SH3PXD2A: variants seen among roughly 807,000 people sequenced by gnomAD.
SH3PXD2A encodes SH3 and PX domains 2A, also known as SH3 and PX domain-containing protein 2A.
Under a neutral mutation model 115.2 loss-of-function variants are expected in SH3PXD2A, and 32 were observed. The observed-to-expected ratio is 0.28, with a 90% CI of 0.21 to 0.37. SH3PXD2A has a LOEUF of 0.37. Among genes scored for constraint, SH3PXD2A ranks in the 10% least tolerant of loss-of-function variants. The pLI is 1.00. For synonymous variants in SH3PXD2A, 610 were observed against 629.1 expected, an observed-to-expected ratio of 0.97 and a Z score of 0.45; for missense variants, 1,328 against 1,498.7, an observed-to-expected ratio of 0.89 and a Z score of 1.88.
At chr10:103,754,276 A>G (rs1412447621) in intron 3 of SH3PXD2A, 2 of 152,180 alleles carry the variant, frequency 1.3e-5, no homozygotes, top group Non-Finnish European at 2.9e-5. Flanking sequence ...GCATGATCAT[A>G]GCTCGCTGTA....
intron 2 of SH3PXD2A, among the ~76,000 whole-genome samples, chr10:103,791,876 A>G (rs992534055): frequency 2.0e-4 from 30 of 152,086 alleles, no homozygotes; most frequent in African/African-American, 6.0e-4. Context: ...TTCAAACTCA[A>G]TGGTAACTGG....
intron 1 of SH3PXD2A, among the ~76,000 whole-genome samples, chr10:103,854,720 A>T (rs906620400): frequency 1.3e-5 from 2 of 152,172 alleles, no homozygotes; most frequent in Non-Finnish European, 2.9e-5. Flanking sequence ...TTCTGCCCCC[A>T]GCCCCAGGCC....
At chr10:103,778,221 T>A (rs998922604) in intron 2 of SH3PXD2A, among the ~76,000 whole-genome samples, 10 of 152,176 alleles carry the variant, frequency 6.6e-5, no homozygotes, top group Non-Finnish European at 1.0e-4. Context: ...TAGTCCCAGC[T>A]ACTCGGGAGG....
chr10:103,619,160 A>G (rs943945470), intron 10 of SH3PXD2A, among the ~76,000 whole-genome samples: 5 of 152,156 alleles, frequency 3.3e-5, no homozygotes, highest in Non-Finnish European at 7.4e-5. Flanking sequence ...TCAGATTCCA[A>G]CCCAGCCATG....
At chr10:103,792,546 T>C (rs916959954) in intron 2 of SH3PXD2A, among the ~76,000 whole-genome samples, 3 of 152,230 alleles carry the variant, frequency 2.0e-5, no homozygotes, top group Non-Finnish European at 4.4e-5. Context: ...TCATTTTATT[T>C]TTCCTGTTAC....
chr10:103,711,970 T>C (rs1321347054), intron 5 of SH3PXD2A, among the ~76,000 whole-genome samples: 1 of 151,750 alleles, frequency 6.6e-6, no homozygotes, highest in Admixed American at 6.6e-5. Flanking sequence ...TGAGGTGGCC[T>C]GGGACGTCAA....
intron 6 of SH3PXD2A, among the ~76,000 whole-genome samples, chr10:103,669,460 G>A (rs2037428822): frequency 6.6e-6 from 1 of 152,240 alleles, no homozygotes; most frequent in Admixed American, 6.5e-5. Context: ...ACATCTGAAT[G>A]AGGCAGAAAG....
intron 1 of SH3PXD2A, among the ~76,000 whole-genome samples, chr10:103,828,964 G>A (rs1435948577): frequency 6.6e-6 from 1 of 152,172 alleles, no homozygotes; most frequent in East Asian, 1.9e-4. Flanking sequence ...TAATGGGGCA[G>A]TCACCCGTTG....
chr10:103,753,368 C>T (rs1376761476), intron 3 of SH3PXD2A, among the ~76,000 whole-genome samples: 4 of 143,124 alleles, frequency 2.8e-5, no homozygotes, highest in Admixed American at 7.1e-5. Flanking sequence ...TAGTGGTGGG[C>T]GCCTGTAATC....
intron 1 of SH3PXD2A, among the ~76,000 whole-genome samples, chr10:103,844,452 G>A (rs767151746): frequency 1.8e-4 from 27 of 152,252 alleles, no homozygotes; most frequent in Non-Finnish European, 3.5e-4. Flanking sequence ...GATAACGCTG[G>A]GTCAGAATTG....
chr10:103,808,152 C>T (rs2039226097), intron 1 of SH3PXD2A, among the ~76,000 whole-genome samples: 1 of 152,162 alleles, frequency 6.6e-6, no homozygotes, highest in Non-Finnish European at 1.5e-5. Flanking sequence ...ATGAGAGTGC[C>T]TACATCAAAC....
intron 13 of SH3PXD2A, among the ~76,000 whole-genome samples, chr10:103,606,481 T>TTCCCTC (rs1392617675): frequency 4.5e-5 from 2 of 44,376 alleles, no homozygotes; most frequent in South Asian, 8.2e-4. Context: ...CCCCCTCCCC[T>TTCCCTC]TCCCTCTCCC....
chr10:103,774,111 G>C (rs1448412493), intron 2 of SH3PXD2A, among the ~76,000 whole-genome samples: 2 of 152,088 alleles, frequency 1.3e-5, no homozygotes, highest in Non-Finnish European at 2.9e-5. Context: ...CACAATATTT[G>C]GAAAATTTGT....
chr10:103,778,286 C>T (rs2038899486), intron 2 of SH3PXD2A, among the ~76,000 whole-genome samples: 1 of 152,140 alleles, frequency 6.6e-6, no homozygotes, highest in Non-Finnish European at 1.5e-5. Flanking sequence ...GAACCGAGAT[C>T]GTGCCACTGC....
intron 1 of SH3PXD2A, among the ~76,000 whole-genome samples, chr10:103,810,648 C>A (rs6584573): frequency 6.6e-6 from 1 of 152,026 alleles, no homozygotes; most frequent in South Asian, 2.1e-4. Flanking sequence ...GTGGTGATAC[C>A]CATGGGGCAC....
intron 2 of SH3PXD2A, among the ~76,000 whole-genome samples, chr10:103,796,131 G>T (rs762312308): frequency 6.6e-6 from 1 of 151,882 alleles, no homozygotes; most frequent in Non-Finnish European, 1.5e-5. Context: ...AGACCGAGGC[G>T]GAAGGATACT....
rs1484038179 is a variant in SH3PXD2A at position 103,630,346 on chromosome 10, C to A, written c.605-3144G>T. Among the ~76,000 whole-genome samples the A allele has an allele frequency of 3.9e-5, 6 of 152,220 alleles. No individual in the cohort carries two copies. In the East Asian group the frequency reaches 1.2e-3, roughly 29 times the overall value. Reference sequence around the variant, plus strand: ...TCTCCCACAGATGCTGGCTGGAGGTCACAGAGCAGGGCTTTCCTGTCTCCC... The same window carrying A: ...TCTCCCACAGATGCTGGCTGGAGGTAACAGAGCAGGGCTTTCCTGTCTCCC... On this transcript the variant is annotated intron_variant, in intron 8 of 14. Transcript: ENST00000369774.
intron 4 of SH3PXD2A, among the ~76,000 whole-genome samples, chr10:103,726,528 G>C (rs2038243574): frequency 6.6e-6 from 1 of 152,184 alleles, no homozygotes; most frequent in South Asian, 2.1e-4. Context: ...TGTGTCCCCA[G>C]ATCCTAGTAG....
At chr10:103,637,357 T>C (rs1488547775) in intron 8 of SH3PXD2A, among the ~76,000 whole-genome samples, 3 of 152,206 alleles carry the variant, frequency 2.0e-5, no homozygotes, top group Non-Finnish European at 1.5e-5. Flanking sequence ...GAGTTACTCT[T>C]GGTCCTTCAC....
Sources: gnomAD v4.1 joint callset for allele counts (sites outside exome capture counted in the v4.1 genomes callset) on GRCh38, gnomAD v4.1.1 for gene constraint, MANE v1.5 for transcripts, NCBI Gene and HGNC (gene_info 2026-07-23, HGNC 2026-07-21) for gene names.